Variants in NTRK2 observed in about 807,000 individuals in gnomAD.
NTRK2 encodes BDNF/NT-3 growth factors receptor.
In NTRK2, 13 loss-of-function variants were observed where a neutral mutation model predicts 94.5. That is an observed-to-expected ratio of 0.14 (90% CI 0.09 to 0.22). The LOEUF is 0.22. NTRK2 is among the 10% of genes least tolerant of loss of function. The probability of loss-of-function intolerance (pLI) is 1.00; values close to 1 mark genes in which losing one functional copy is unlikely to be tolerated. For synonymous variants in NTRK2, 372 were observed against 407.4 expected, an observed-to-expected ratio of 0.91 and a Z score of 1.05; for missense variants, 639 against 1,071.2, an observed-to-expected ratio of 0.60 and a Z score of 5.63.
At chr9:85,017,790 C>A (rs145077730) in intron 17 of NTRK2, among the ~76,000 whole-genome samples, 223 of 152,300 alleles carry the variant, frequency 1.5e-3, no homozygotes, top group African/African-American at 5.0e-3. Flanking sequence ...ATTCCTACTT[C>A]TCTAAGCCCA....
At chr9:84,742,550 G>A (rs548348103) in intron 10 of NTRK2, among the ~76,000 whole-genome samples, 44 of 152,154 alleles carry the variant, frequency 2.9e-4, no homozygotes, top group Non-Finnish European at 5.1e-4. Flanking sequence ...CTCAAGGAAA[G>A]AGAACTTCCC....
chr9:84,880,238 C>T (rs951053824), intron 14 of NTRK2, among the ~76,000 whole-genome samples: 1 of 152,120 alleles, frequency 6.6e-6, no homozygotes, highest in African/African-American at 2.4e-5. Context: ...TCAAAGTGTG[C>T]CAACTGTGTT....
chr9:84,784,109 C>T (rs1490725481), intron 12 of NTRK2, among the ~76,000 whole-genome samples: 1 of 152,106 alleles, frequency 6.6e-6, no homozygotes, highest in Non-Finnish European at 1.5e-5. Flanking sequence ...GCTGTATGGC[C>T]TGAGGGAAAG....
intron 2 of NTRK2, among the ~76,000 whole-genome samples, chr9:84,685,666 A>G (rs2059668662): frequency 6.6e-6 from 1 of 152,072 alleles, no homozygotes; most frequent in African/African-American, 2.4e-5. Context: ...TTTTCAATTT[A>G]TCTACTGAGC....
At chr9:84,699,721 A>G (rs985809749) in intron 2 of NTRK2, among the ~76,000 whole-genome samples, 2 of 148,828 alleles carry the variant, frequency 1.3e-5, no homozygotes, top group Non-Finnish European at 3.0e-5. Context: ...GGCTCCGTTG[A>G]TATCTCTTTA....
intron 12 of NTRK2, among the ~76,000 whole-genome samples, chr9:84,831,300 C>T (rs1429449756): frequency 6.6e-6 from 1 of 152,146 alleles, no homozygotes; most frequent in African/African-American, 2.4e-5. Flanking sequence ...GAAGAGTATA[C>T]AAATGCCCAT....
intron 17 of NTRK2, among the ~76,000 whole-genome samples, chr9:84,987,642 T>A (rs1828495164): frequency 1.3e-5 from 2 of 152,108 alleles, no homozygotes; most frequent in African/African-American, 4.8e-5. Context: ...AAGCATTAAC[T>A]AAGCAATGGT....
intron 4 of NTRK2, among the ~76,000 whole-genome samples, chr9:84,703,225 T>A (rs1730992443): frequency 6.6e-6 from 1 of 152,236 alleles, no homozygotes; most frequent in South Asian, 2.1e-4. Context: ...CATTTATTGA[T>A]TCTGTTTTGC....
chr9:84,760,187 T>A (rs1472789988), intron 12 of NTRK2, among the ~76,000 whole-genome samples: 1 of 152,214 alleles, frequency 6.6e-6, no homozygotes, highest in African/African-American at 2.4e-5. Context: ...GGTCATCATT[T>A]TGGGCAAATT....
At chr9:84,741,089 T>C (rs943954648) in intron 9 of NTRK2, among the ~76,000 whole-genome samples, 3 of 152,212 alleles carry the variant, frequency 2.0e-5, no homozygotes, top group Admixed American at 2.0e-4. Context: ...CCCAGTTAGC[T>C]CTGATTGGAG....
At chr9:84,921,858 A>G (rs946857509) in intron 14 of NTRK2, among the ~76,000 whole-genome samples, 6 of 152,198 alleles carry the variant, frequency 3.9e-5, no homozygotes, top group African/African-American at 1.4e-4. Context: ...CAGAAAACCA[A>G]AAATCAAATG....
At chr9:84,955,946 C>T (rs938209103) in intron 17 of NTRK2, among the ~76,000 whole-genome samples, 21 of 152,048 alleles carry the variant, frequency 1.4e-4, no homozygotes, top group Admixed American at 8.5e-4. Context: ...TTTGGGGGGA[C>T]GCAGGTCAGC....
intron 13 of NTRK2, among the ~76,000 whole-genome samples, chr9:84,864,655 C>T (rs190780309): frequency 1.1e-4 from 16 of 151,242 alleles, no homozygotes; most frequent in Non-Finnish European, 2.1e-4. Flanking sequence ...ACAGCCATGC[C>T]GGGAACCAAG....
At chr9:84,843,296 A>G (rs962352619) in intron 12 of NTRK2, among the ~76,000 whole-genome samples, 2 of 152,152 alleles carry the variant, frequency 1.3e-5, no homozygotes, top group South Asian at 4.1e-4. Context: ...TGAATGAGGC[A>G]TGCGACCTGT....
intron 17 of NTRK2, among the ~76,000 whole-genome samples, chr9:84,991,070 G>T (rs543391516): frequency 2.0e-5 from 3 of 152,170 alleles, no homozygotes; most frequent in East Asian, 3.9e-4. Flanking sequence ...AGCATACCTG[G>T]ATGGATTCGT....
intron 12 of NTRK2, among the ~76,000 whole-genome samples, chr9:84,823,927 T>G (rs966269264): frequency 8.5e-5 from 13 of 152,174 alleles, no homozygotes; most frequent in Non-Finnish European, 1.6e-4. Context: ...TGGAAACAGA[T>G]GCTGAGATGA....
chr9:85,016,389 A>G (rs1018102831), intron 17 of NTRK2, among the ~76,000 whole-genome samples: 13 of 152,208 alleles, frequency 8.5e-5, no homozygotes, highest in Admixed American at 6.5e-5. Context: ...AGTGAAGACC[A>G]TGAGACCCCA....
At chr9:84,917,588 G>T (rs1955957307) in intron 14 of NTRK2, among the ~76,000 whole-genome samples, 1 of 152,116 alleles carries the variant, frequency 6.6e-6, no homozygotes, top group South Asian at 2.1e-4. Flanking sequence ...AGGGAGTACT[G>T]GTTGTATAAT....
intron 17 of NTRK2, among the ~76,000 whole-genome samples, chr9:84,994,079 A>G (rs1002072164): frequency 2.0e-5 from 3 of 152,204 alleles, no homozygotes; most frequent in African/African-American, 7.2e-5. Context: ...TTTAGCCACT[A>G]AAGGGTTACT....
Sources: allele counts gnomAD v4.1 joint callset (sites outside exome capture counted in the v4.1 genomes callset), GRCh38; gene constraint gnomAD v4.1.1; transcripts MANE v1.5; gene names NCBI Gene and HGNC (gene_info 2026-07-23, HGNC 2026-07-21).